PDZD2: variants seen among roughly 807,000 people sequenced by gnomAD.
The protein encoded by PDZD2 is PDZ domain-containing protein 2.
A neutral mutation model predicts 220.7 loss-of-function variants in PDZD2; 90 were observed. The ratio of observed to expected loss-of-function variants is 0.41; its 90% CI spans 0.34 to 0.49. PDZD2 has a LOEUF of 0.49. Among genes scored for constraint, PDZD2 ranks in the 20% least tolerant of loss-of-function variants. The probability of loss-of-function intolerance (pLI) is 0.28; values close to 1 mark genes in which losing one functional copy is unlikely to be tolerated. For synonymous variants in PDZD2, 1,375 were observed against 1,450.5 expected (o/e 0.95, Z 1.18); for missense variants, 3,174 against 3,608.5 (o/e 0.88, Z 3.08).
At chr5:31,916,478 C>T (rs1743690662) in intron 2 of PDZD2, among the ~76,000 whole-genome samples, 1 of 152,256 alleles carries the variant, frequency 6.6e-6, no homozygotes. Context: ...TTTGTTGCCT[C>T]ATACCCGGAG....
chr5:32,097,255 A>G (rs539547785), intron 21 of PDZD2, 24 bp from the exon 22 acceptor site: 3 of 1,466,940 alleles, frequency 2.0e-6, no homozygotes, highest in Admixed American at 1.7e-5. Flanking sequence ...AGCTCAAAGG[A>G]TAATTTTTGT....
At chr5:31,802,656 C>T (rs542637278) in intron 2 of PDZD2, among the ~76,000 whole-genome samples, 58 of 152,306 alleles carry the variant, frequency 3.8e-4, no homozygotes, top group African/African-American at 1.4e-3. Context: ...CGCCGTGGCT[C>T]ACGCCTGTAA....
At chr5:31,923,403 C>T in intron 2 of PDZD2, 1 of 1,259,120 alleles carries the variant, frequency 7.9e-7, no homozygotes, top group Non-Finnish European at 1.2e-6. Context: ...GCAGAGACTG[C>T]AGCAGCTCTT....
chr5:31,983,730 A>C (rs758239750), intron 3 of PDZD2, 74 bp downstream of exon 3: 1 of 1,413,684 alleles, frequency 7.1e-7, no homozygotes, highest in Non-Finnish European at 9.7e-7. Context: ...AGCCCAGCCC[A>C]TGCGGGAAAT....
At chr5:31,650,923 T>C in intron 1 of PDZD2, among the ~76,000 whole-genome samples, 1 of 152,168 alleles carries the variant, frequency 6.6e-6, no homozygotes, top group Non-Finnish European at 1.5e-5. Context: ...ACCTCTCCAT[T>C]GAGTCTTGCT....
At chr5:31,992,742 G>T (rs1751317844) in intron 3 of PDZD2, among the ~76,000 whole-genome samples, 1 of 151,828 alleles carries the variant, frequency 6.6e-6, no homozygotes, top group South Asian at 2.1e-4. Flanking sequence ...TGGGAAAGAG[G>T]TTCACAGCTT....
rs1742854171 is a variant in PDZD2 at position 32,089,403 on chromosome 5, C to T, written c.5955C>T (p.Pro1985=). The stretch of plus-strand genomic sequence containing the variant: ...CGAGCATCAGGACATTTGTCTCGCC[C>T]CTGACCTCTCCCAAGCCTGTTCCTG... ...SDTSIRTFVS[P]LTSPKPVPEQ... The change falls in exon 20 of 25, where the codon CCC becomes CCT. Residue 1985 remains proline (P), a synonymous_variant. Coordinates refer to ENST00000438447, the MANE Select transcript of PDZD2 (RefSeq NM_178140.4). 6.2e-7 allele frequency: 1 copy of T among 1,613,970 alleles called. No homozygotes were observed. The highest frequency in any genetic ancestry group is 1.3e-5 in the African/African-American group (1 of 74,944).
chr5:31,856,115 T>C (rs1758423158), intron 2 of PDZD2, among the ~76,000 whole-genome samples: 1 of 152,242 alleles, frequency 6.6e-6, no homozygotes, highest in East Asian at 1.9e-4. Flanking sequence ...TTTCAGAGTT[T>C]GCACTCTTAC....
In PDZD2 at chr5:31,699,792, GT is replaced by G. The variant is rs397780799; in HGVS notation, c.-361+60365del. Among the ~76,000 whole-genome samples the G allele has an allele frequency of 1.6e-4, 21 of 134,314 alleles. No homozygotes were observed. In the Middle Eastern group the frequency reaches 0.011, roughly 72 times the overall value. 88.1% of individuals were successfully genotyped at this position (134,314 alleles called of 152,430 possible). A position where few individuals can be genotyped will look rare whatever the true frequency, so the allele number is the denominator to read the frequency against. On this transcript the variant is annotated intron_variant, in intron 1 of 24. Transcript: ENST00000438447. ...GTTTTTTTTTGTTTGTTTTTTTTTT[GT>G]TTTTTTTTTGGTATTTTAGTAGAGA...
chr5:31,890,296 A>G (rs1441002515), intron 2 of PDZD2, among the ~76,000 whole-genome samples: 4 of 151,998 alleles, frequency 2.6e-5, no homozygotes. Context: ...CCAAGAATTG[A>G]ATTTTTCATT....
intron 2 of PDZD2, among the ~76,000 whole-genome samples, chr5:31,906,774 CG>C (rs773313971): frequency 9.9e-5 from 15 of 152,036 alleles, no homozygotes; most frequent in Non-Finnish European, 1.9e-4. Flanking sequence ...ACCCAGCAGG[CG>C]GAAGTTCCAG....
At chr5:32,014,322 GATTT>G (rs1753561127) in intron 6 of PDZD2, among the ~76,000 whole-genome samples, 1 of 152,150 alleles carries the variant, frequency 6.6e-6, no homozygotes, top group African/African-American at 2.4e-5. Context: ...GTCCCCTTAT[GATTT>G]ATTTTTAATG....
chr5:31,863,370 G>A (rs1737902239), intron 2 of PDZD2, among the ~76,000 whole-genome samples: 1 of 152,222 alleles, frequency 6.6e-6, no homozygotes, highest in Non-Finnish European at 1.5e-5. Flanking sequence ...TTAAGCATTA[G>A]TTGGCAGGGA....
intron 1 of PDZD2, among the ~76,000 whole-genome samples, chr5:31,727,854 T>A (rs173809): frequency 0.19 from 28,564 of 149,886 alleles, 3,068 homozygotes; most frequent in East Asian, 0.39. Flanking sequence ...ATACAAAAAA[T>A]TTTGCCGGGT....
At chr5:31,815,245 C>CAAAAAAAAAAAAAAAAAAAAAAA (rs59040987) in intron 2 of PDZD2, among the ~76,000 whole-genome samples, 3 of 57,914 alleles carry the variant, frequency 5.2e-5, no homozygotes, top group African/African-American at 1.4e-4. Flanking sequence ...AACTCTGTCT[C>CAAAAAAAAAAAAAAAAAAAAAAA]AAAAAAAAAA....
intron 1 of PDZD2, among the ~76,000 whole-genome samples, chr5:31,660,758 T>C (rs556262824): frequency 1.3e-5 from 2 of 152,316 alleles, no homozygotes; most frequent in African/African-American, 4.8e-5. Flanking sequence ...TCAGAGTCTC[T>C]GCTGCCCAGG....
At chr5:32,076,154 T>A (rs182914856) in intron 18 of PDZD2, among the ~76,000 whole-genome samples, 1 of 152,054 alleles carries the variant, frequency 6.6e-6, no homozygotes, top group Non-Finnish European at 1.5e-5. Context: ...GGTGTGGTGG[T>A]GTGCACCTGT....
At chr5:31,654,212 C>CT (rs1745459287) in intron 1 of PDZD2, among the ~76,000 whole-genome samples, 1 of 152,188 alleles carries the variant, frequency 6.6e-6, no homozygotes, top group African/African-American at 2.4e-5. Context: ...AATTCTGAGC[C>CT]TTTTACTTGA....
At chr5:31,920,966 A>G (rs539727696) in intron 2 of PDZD2, among the ~76,000 whole-genome samples, 2 of 152,268 alleles carry the variant, frequency 1.3e-5, no homozygotes, top group African/African-American at 4.8e-5. Flanking sequence ...TTTCAGTGTC[A>G]TGTAATACTC....
Sources: allele counts gnomAD v4.1 joint callset (sites outside exome capture counted in the v4.1 genomes callset), GRCh38; gene constraint gnomAD v4.1.1; transcripts MANE v1.5; gene names NCBI Gene and HGNC (gene_info 2026-07-23, HGNC 2026-07-21).